The following ADAMTSL1 variants were observed in gnomAD, a reference collection of about 807,000 sequenced individuals.
ADAMTSL1 encodes ADAMTS-like protein 1.
A neutral mutation model predicts 201.8 loss-of-function variants in ADAMTSL1; 126 were observed. The ratio of observed to expected loss-of-function variants is 0.62; its 90% CI spans 0.54 to 0.72. ADAMTSL1 has a LOEUF of 0.72. Ranked by LOEUF, ADAMTSL1 falls within the 30% of genes least tolerant of loss-of-function variation. ADAMTSL1 has a pLI of 0.00. For missense variants in ADAMTSL1, 2,679 were observed against 2,277.8 expected, an observed-to-expected ratio of 1.18 and a Z score of -3.59; for synonymous variants, 1,121 against 903.4, an observed-to-expected ratio of 1.24 and a Z score of -4.32.
intron 13 of ADAMTSL1, among the ~76,000 whole-genome samples, chr9:18,690,120 A>G (rs536293494): frequency 5.3e-5 from 8 of 152,342 alleles, no homozygotes; most frequent in South Asian, 4.1e-4. Flanking sequence ...CCTGTCATGC[A>G]TCTGTGAACA....
intron 14 of ADAMTSL1, among the ~76,000 whole-genome samples, chr9:18,712,984 A>T (rs1832706166): frequency 6.6e-6 from 1 of 151,876 alleles, no homozygotes; most frequent in Non-Finnish European, 1.5e-5. Flanking sequence ...CCAGAATTTC[A>T]TATCCAGCCA....
intron 1 of ADAMTSL1, among the ~76,000 whole-genome samples, chr9:17,948,202 G>T (rs1827585821): frequency 6.6e-6 from 1 of 152,198 alleles, no homozygotes; most frequent in East Asian, 1.9e-4. Flanking sequence ...TAAATTAATA[G>T]TCATAGCTTT....
chr9:18,812,508 T>C (rs1219653913), intron 20 of ADAMTSL1, among the ~76,000 whole-genome samples: 1 of 152,162 alleles, frequency 6.6e-6, no homozygotes, highest in African/African-American at 2.4e-5. Context: ...GGAAAAATCA[T>C]CAGGACCTAG....
At chr9:18,318,429 C>G (rs575421424) in intron 2 of ADAMTSL1, among the ~76,000 whole-genome samples, 2 of 152,300 alleles carry the variant, frequency 1.3e-5, no homozygotes, top group South Asian at 2.1e-4. Context: ...CCCACTGAAT[C>G]AAAAACTCAA....
At chr9:18,159,054 G>A (rs1827274515) in intron 1 of ADAMTSL1, among the ~76,000 whole-genome samples, 1 of 151,992 alleles carries the variant, frequency 6.6e-6, no homozygotes, top group Non-Finnish European at 1.5e-5. Context: ...TCAAAACCTT[G>A]ACATCAAGCA....
intron 5 of ADAMTSL1, among the ~76,000 whole-genome samples, chr9:18,623,764 A>G (rs1404330522): frequency 6.6e-6 from 1 of 152,208 alleles, no homozygotes; most frequent in African/African-American, 2.4e-5. Context: ...ATTGCTTGGC[A>G]TATTGTCTCC....
At chr9:18,151,008 C>T (rs1276114450) in intron 1 of ADAMTSL1, among the ~76,000 whole-genome samples, 2 of 151,792 alleles carry the variant, frequency 1.3e-5, no homozygotes, top group Non-Finnish European at 2.9e-5. Flanking sequence ...AGAAGCTAAC[C>T]GGGAAGTGCA....
intron 1 of ADAMTSL1, among the ~76,000 whole-genome samples, chr9:18,093,391 G>C (rs188403635): frequency 6.6e-6 from 1 of 152,290 alleles, no homozygotes; most frequent in East Asian, 1.9e-4. Context: ...GTTTAGAATA[G>C]AATATATGCT....
At chr9:18,816,081 T>G (rs1171969851) in intron 20 of ADAMTSL1, among the ~76,000 whole-genome samples, 1 of 152,110 alleles carries the variant, frequency 6.6e-6, no homozygotes, top group Admixed American at 6.5e-5. Context: ...TACCAGAACT[T>G]ATTCCTCCTA....
At chr9:18,760,435 T>C (rs1392126635) in intron 16 of ADAMTSL1, among the ~76,000 whole-genome samples, 1 of 152,168 alleles carries the variant, frequency 6.6e-6, no homozygotes, top group Non-Finnish European at 1.5e-5. Context: ...AATATAAATA[T>C]GCATATAAAT....
chr9:18,821,610 A>C (rs550692691), intron 21 of ADAMTSL1, among the ~76,000 whole-genome samples: 2 of 152,212 alleles, frequency 1.3e-5, no homozygotes, highest in African/African-American at 4.8e-5. Flanking sequence ...TGTCTGCCAC[A>C]GTCAGTATGG....
intron 23 of ADAMTSL1, among the ~76,000 whole-genome samples, chr9:18,840,041 T>G (rs1257272559): frequency 1.0e-4 from 15 of 149,486 alleles, no homozygotes; most frequent in Non-Finnish European, 1.9e-4. Context: ...TTAGTTTAAT[T>G]AGATCCCATT....
intron 1 of ADAMTSL1, among the ~76,000 whole-genome samples, chr9:18,495,138 A>T (rs962516860): frequency 1.3e-5 from 2 of 152,228 alleles, no homozygotes; most frequent in African/African-American, 4.8e-5. Context: ...ATTATAAATG[A>T]TGTTGAGCAG....
At chr9:18,312,806 T>A (rs780686238) in intron 2 of ADAMTSL1, among the ~76,000 whole-genome samples, 1 of 152,232 alleles carries the variant, frequency 6.6e-6, no homozygotes, top group Non-Finnish European at 1.5e-5. Context: ...TTGTTTTTAA[T>A]GGCAGTCACT....
intron 1 of ADAMTSL1, among the ~76,000 whole-genome samples, chr9:17,972,417 C>T (rs200570420): frequency 1.2e-4 from 18 of 148,396 alleles, no homozygotes; most frequent in African/African-American, 4.2e-4. Context: ...TACGGTGTTT[C>T]GTTTTTTGTC....
intron 1 of ADAMTSL1, among the ~76,000 whole-genome samples, chr9:18,020,690 G>T (rs1308507213): frequency 6.6e-6 from 1 of 152,068 alleles, no homozygotes; most frequent in South Asian, 2.1e-4. Context: ...GATGAGATTT[G>T]GATGGAGACA....
At chr9:18,214,622 A>C (rs563417655) in intron 2 of ADAMTSL1, among the ~76,000 whole-genome samples, 1 of 152,246 alleles carries the variant, frequency 6.6e-6, no homozygotes, top group Non-Finnish European at 1.5e-5. Flanking sequence ...TCTTTGCAGA[A>C]GCTAACTTTG....
rs143750329 is a variant in ADAMTSL1, at chr9:18,034,846, T to C, written c.87+127924T>C. Among the ~76,000 whole-genome samples, 152 of 152,340 alleles carry C rather than the reference T, an allele frequency of 1.0e-3. 2 individuals are homozygous for C. In the East Asian group the frequency reaches 0.028, roughly 28 times the overall value. ...TAGTCTTATTTTTATAAAGGAAAAG[T>C]TGTATTCGTCTCTGAGCTGAATATT... is the stretch of plus-strand genomic sequence containing the variant. On this transcript the variant is annotated intron_variant, in intron 1 of 29. Transcript: ENST00000680146.
At chr9:18,388,441 T>G (rs1837895344) in intron 2 of ADAMTSL1, among the ~76,000 whole-genome samples, 1 of 152,018 alleles carries the variant, frequency 6.6e-6, no homozygotes. Context: ...GCCTGGCTAA[T>G]TTTTGCATTT....
Sources: allele counts gnomAD v4.1 joint callset (sites outside exome capture counted in the v4.1 genomes callset), GRCh38; gene constraint gnomAD v4.1.1; transcripts MANE v1.5; gene names NCBI Gene and HGNC (gene_info 2026-07-23, HGNC 2026-07-21).